Variants in AFF2 observed in about 807,000 individuals in gnomAD.
The protein encoded by AFF2 is AF4/FMR2 family member 2.
In AFF2, 14 loss-of-function variants were observed where a neutral mutation model predicts 76.9. That is an observed-to-expected ratio of 0.18 (90% CI 0.12 to 0.28). The LOEUF (loss-of-function observed/expected upper bound fraction) is 0.28, where lower values mean the gene tolerates loss of function less well. Among genes scored for constraint, AFF2 ranks in the 10% least tolerant of loss-of-function variants. AFF2 has a pLI of 1.00. For synonymous variants in AFF2, 398 were observed against 366.7 expected (o/e 1.09, Z -0.98); for missense variants, 868 against 1,001.1 (o/e 0.87, Z 1.79).
chrX:148,849,393 C>G lies in AFF2; in HGVS notation c.1262+5960C>G, dbSNP rs1245456733. ...CCCCCCCCCCCCCCCCCCCGCTGAC[C>G]ACCCCTCTCTCTCCTTCTCTCTTTT... On this transcript the variant is annotated intron_variant, in intron 7 of 20. Transcript: ENST00000370460. 3.6e-3 allele frequency among the ~76,000 whole-genome samples: 319 copies of G among 87,458 alleles called. 5 individuals are homozygous for G. Among genetic ancestry groups the G allele is most frequent in the African/African-American group, 0.014 (310 of 22,461 alleles). 75.9% of individuals were successfully genotyped at this position (87,458 alleles called of 115,157 possible).
intron 1 of AFF2, among the ~76,000 whole-genome samples, chrX:148,608,655 C>T (rs143201144): frequency 0.064 from 6,924 of 108,603 alleles, 190 homozygotes; most frequent in South Asian, 0.12. Context: ...TACAGGCATG[C>T]ACTACTCATG....
In AFF2 at chrX:148,649,918, A is replaced by T. The variant is rs150264445; in HGVS notation, c.48-2081A>T. 1.4e-3 allele frequency among the ~76,000 whole-genome samples: 159 copies of T among 111,781 alleles called. 6 individuals carry two copies. In the East Asian group the frequency reaches 0.034, roughly 24 times the overall value. On this transcript the variant is annotated intron_variant, in intron 1 of 20. Transcript: ENST00000370460. Reference sequence around the variant, plus strand: ...TCTTAGCTGTCAGGTGCACAAAATGAACAGATAGCTAGAAAACTGACATCC... The same window carrying T: ...TCTTAGCTGTCAGGTGCACAAAATGTACAGATAGCTAGAAAACTGACATCC...
chrX:148,822,725 G>GTGTGTT (rs1211849142), intron 4 of AFF2, among the ~76,000 whole-genome samples: 1 of 109,220 alleles, frequency 9.2e-6, no homozygotes, highest in African/African-American at 3.3e-5. Flanking sequence ...GTGTGTGTGT[G>GTGTGTT]TGTGTGTGTG....
In AFF2 at chrX:148,722,221, G is replaced by GAAC. The variant is rs781916257; in HGVS notation, c.1041+59471_1041+59473dup. ...GGAAATTGTGTGAGTTCTGGTTCAG[G>GAAC]AACAACAACAACAACAACAAAAACC... On this transcript the variant is annotated intron_variant, in intron 3 of 20. Coordinates refer to ENST00000370460, the MANE Select transcript of AFF2 (RefSeq NM_002025.4). Among the ~76,000 whole-genome samples the GAAC allele has an allele frequency of 3.2e-4, 35 of 110,542 alleles. No homozygotes were observed. The South Asian group carries it at 0.01, about 32-fold the overall frequency.
At chrX:148,667,042 G>A (rs1557258552) in intron 3 of AFF2, among the ~76,000 whole-genome samples, 1 of 112,226 alleles carries the variant, frequency 8.9e-6, no homozygotes. Context: ...CGTGTAGAGT[G>A]TCATATCCCT....
chrX:148,716,083 A>T (rs2055022567), intron 3 of AFF2, among the ~76,000 whole-genome samples: 1 of 111,883 alleles, frequency 8.9e-6, no homozygotes, highest in South Asian at 3.7e-4. Flanking sequence ...ATAAATGGTT[A>T]TATATACATA....
At chrX:148,524,524 C>T (rs1557234963) in intron 1 of AFF2, among the ~76,000 whole-genome samples, 1 of 111,794 alleles carries the variant, frequency 8.9e-6, no homozygotes, top group African/African-American at 3.3e-5. Context: ...GCTGAGTTCT[C>T]TTCCTCTCAC....
rs201489872 is a variant in AFF2 at position 148,973,458 on chromosome X, C to T, written c.3268-13C>T. The T allele has an allele frequency of 1.7e-6, 2 of 1,208,827 alleles. No homozygotes were observed. The highest frequency in any genetic ancestry group is 2.2e-6 in the Non-Finnish European group (2 of 894,463). On this transcript the variant is annotated splice_polypyrimidine_tract_variant and intron_variant, in intron 15 of 20. Coordinates refer to ENST00000370460, the MANE Select transcript of AFF2 (RefSeq NM_002025.4). ...AGAGAGTATTATCTTGACGAGTCAT[C>T]TTCCTGTTTCAGTTCGAGAAATTTG...
chrX:148,958,506 C>T, intron 12 of AFF2, 48 bp downstream of exon 12: 1 of 1,175,068 alleles, frequency 8.5e-7, no homozygotes, highest in South Asian at 1.9e-5. Flanking sequence ...ATTGTTCAGA[C>T]TCCTAAGAAA....
chrX:148,519,194 G>A (rs920091878), intron 1 of AFF2, among the ~76,000 whole-genome samples: 2 of 111,448 alleles, frequency 1.8e-5, no homozygotes, highest in African/African-American at 3.3e-5. Flanking sequence ...GTAGTGCAGG[G>A]ACCCTTCTCC....
chrX:148,699,267 T>A lies in AFF2; in HGVS notation c.1041+36499T>A, dbSNP rs1262948061. Among the ~76,000 whole-genome samples the A allele has an allele frequency of 2.7e-5, 3 of 112,258 alleles. No individual in the cohort carries two copies. The East Asian group carries it at 8.4e-4, about 31-fold the overall frequency. The stretch of plus-strand genomic sequence containing the variant: ...TGTGTTTTTGTATGTGCAATGTGTG[T>A]GCTTACATGCATATGGAAGTGCGCA... On this transcript the variant is annotated intron_variant, in intron 3 of 20. Transcript: ENST00000370460.
intron 12 of AFF2, among the ~76,000 whole-genome samples, chrX:148,962,193 G>A (rs1489589402): frequency 8.9e-6 from 1 of 112,588 alleles, no homozygotes; most frequent in Non-Finnish European, 1.9e-5. Context: ...AATGTATGTC[G>A]CAATACTATT....
chrX:148,814,233 G>A (rs186914385), intron 4 of AFF2, among the ~76,000 whole-genome samples: 6 of 111,820 alleles, frequency 5.4e-5, no homozygotes, highest in Non-Finnish European at 5.6e-5. Flanking sequence ...GCTCTACGGG[G>A]TTTTATGGAT....
intron 3 of AFF2, among the ~76,000 whole-genome samples, chrX:148,704,522 A>G (rs190994384): frequency 0.03 from 2,723 of 90,369 alleles, 237 homozygotes; most frequent in African/African-American, 0.13. Flanking sequence ...ATATTTTTAT[A>G]TATATATATA....
intron 3 of AFF2, among the ~76,000 whole-genome samples, chrX:148,773,207 A>C (rs2069612858): frequency 8.9e-6 from 1 of 112,129 alleles, no homozygotes; most frequent in South Asian, 3.7e-4. Flanking sequence ...TTCTAAGTGA[A>C]GAAGCCATGG....
At chrX:148,564,327 G>T (rs1557241282) in intron 1 of AFF2, among the ~76,000 whole-genome samples, 3 of 110,838 alleles carry the variant, frequency 2.7e-5, no homozygotes, top group Admixed American at 9.6e-5. Context: ...AACTAATAAA[G>T]AAATTATTAA....
intron 1 of AFF2, among the ~76,000 whole-genome samples, chrX:148,543,182 G>C (rs782431062): frequency 1.8e-5 from 2 of 111,441 alleles, no homozygotes; most frequent in Non-Finnish European, 3.8e-5. Context: ...CCAATGTCAG[G>C]TGCCAGCCAA....
intron 1 of AFF2, among the ~76,000 whole-genome samples, chrX:148,575,138 C>T (rs1164948315): frequency 5.4e-5 from 6 of 110,947 alleles, no homozygotes; most frequent in Non-Finnish European, 9.5e-5. Context: ...GAATTAAAAT[C>T]TCACTAAATA....
intron 15 of AFF2, among the ~76,000 whole-genome samples, chrX:148,968,459 A>G (rs992148260): frequency 3.3e-4 from 37 of 111,920 alleles, no homozygotes; most frequent in African/African-American, 1.1e-3. Context: ...GAGATTCCCA[A>G]TTGCAGATAT....
Sources: allele counts gnomAD v4.1 joint callset (sites outside exome capture counted in the v4.1 genomes callset), GRCh38; gene constraint gnomAD v4.1.1; transcripts MANE v1.5; gene names NCBI Gene and HGNC (gene_info 2026-07-23, HGNC 2026-07-21).